The following ZWILCH variants were observed in gnomAD, a reference collection of about 807,000 sequenced individuals.
ZWILCH encodes zwilch kinetochore protein.
A neutral mutation model predicts 79.9 loss-of-function variants in ZWILCH; 74 were observed. That is an observed-to-expected ratio of 0.93 (90% CI 0.77 to 1.12). ZWILCH has a LOEUF of 1.12. ZWILCH is among the 50% of genes most tolerant of loss of function. The pLI is 0.00. For missense variants in ZWILCH, 694 were observed against 687.5 expected, an observed-to-expected ratio of 1.01 and a Z score of -0.11; for synonymous variants, 241 against 228.2, an observed-to-expected ratio of 1.06 and a Z score of -0.51.
chr15:66,509,975 G>A (rs1194390291), intron 2 of ZWILCH, among the ~76,000 whole-genome samples: 7 of 149,262 alleles, frequency 4.7e-5, no homozygotes, highest in Non-Finnish European at 7.4e-5. Context: ...TCAGGAGTTC[G>A]ATACCAGCCT....
chr15:66,514,109 T>C, intron 3 of ZWILCH, 26 bp downstream of exon 3: 1 of 1,532,596 alleles, frequency 6.5e-7, no homozygotes, highest in Non-Finnish European at 8.9e-7. Context: ...ACTTTGTGGT[T>C]GTTTAATTCT....
At chr15:66,509,849 A>AAT (rs1567039407) in intron 2 of ZWILCH, among the ~76,000 whole-genome samples, 1 of 82,242 alleles carries the variant, frequency 1.2e-5, no homozygotes, top group Non-Finnish European at 2.7e-5. Context: ...ATATATATAT[A>AAT]TATATATATA....
At chr15:66,523,558 G>A in intron 7 of ZWILCH, 119 bp from the exon 8 acceptor site, 1 of 639,380 alleles carries the variant, frequency 1.6e-6, no homozygotes, top group Non-Finnish European at 2.7e-6. Flanking sequence ...TCAATTCATT[G>A]GTCCTTTATG....
At chr15:66,533,283 A>G (rs1487550824) in intron 14 of ZWILCH, among the ~76,000 whole-genome samples, 1 of 152,240 alleles carries the variant, frequency 6.6e-6, no homozygotes, top group African/African-American at 2.4e-5. Context: ...TCATCTATCC[A>G]GAATGCTTAG....
At chr15:66,513,391 C>A (rs1894140543) in intron 2 of ZWILCH, among the ~76,000 whole-genome samples, 1 of 151,808 alleles carries the variant, frequency 6.6e-6, no homozygotes, top group Admixed American at 6.6e-5. Context: ...TATAGCGAGA[C>A]CCCATCTGTA....
chr15:66,537,735 ATTATC>A (rs1895060967), intron 16 of ZWILCH, among the ~76,000 whole-genome samples: 1 of 152,110 alleles, frequency 6.6e-6, no homozygotes, highest in Non-Finnish European at 1.5e-5. Context: ...ATTTTAATTT[ATTATC>A]TTAAGTCCAC....
rs368758542 is a variant in ZWILCH, at chr15:66,532,364, T to C, written c.1273T>C (p.Leu425=). Residue 425 remains leucine (L), a synonymous_variant, in exon 13 of 19, where the codon TTG becomes CTG. Coordinates refer to ENST00000307897, the MANE Select transcript of ZWILCH (RefSeq NM_017975.5). ...AGTTCAAATGCTTTTGGAAATTGGT[T>C]TGGACAAACTAAAGAAAGATTATAT... The part of the protein sequence containing the change: ...IPVQMLLEIG[L]DKLKKDYISF... 22 of 1,611,214 alleles carry C rather than the reference T, an allele frequency of 1.4e-5. No individual in the cohort carries two copies. The highest frequency in any genetic ancestry group is 5.0e-5 in the Admixed American group (3 of 59,436).
Position 66,519,069 on chromosome 15 carries a change from A to G in ZWILCH, c.511A>G (p.Ser171Gly), listed in dbSNP as rs1894396639. 6.2e-7 allele frequency: 1 copy of G among 1,614,044 alleles called. No individual in the cohort carries two copies. Among genetic ancestry groups the G allele is most frequent in the African/African-American group, 1.3e-5 (1 of 74,942 alleles). The change falls in exon 5 of 19, where the codon AGT becomes GGT. Residue 171 changes from serine (S) to glycine (G), a missense_variant. Transcript: ENST00000307897. The stretch of plus-strand genomic sequence containing the variant: ...TACAGGAATTGTCTTATATGTGGTC[A>G]GTTGTAAAGGTGAGTGCTCTCTCTA... ...SITGIVLYVVSCKADKNYSVN... is the reference protein window; with the variant it reads ...SITGIVLYVVGCKADKNYSVN...
chr15:66,527,611 T>A (rs1258037916), intron 9 of ZWILCH, among the ~76,000 whole-genome samples: 5 of 152,162 alleles, frequency 3.3e-5, no homozygotes, highest in African/African-American at 1.2e-4. Flanking sequence ...AAGAGATGAA[T>A]CAGTAGCCTT....
chr15:66,513,745 G>T lies in ZWILCH; in HGVS notation c.106-243G>T, dbSNP rs180814045. Reference sequence around the variant, plus strand: ...CGCCACCACGCCTGGCTAATTTTTTGTATTTTTAGTAGAGATGGAGTTTCA... The same window carrying T: ...CGCCACCACGCCTGGCTAATTTTTTTTATTTTTAGTAGAGATGGAGTTTCA... On this transcript the variant is annotated intron_variant, in intron 2 of 18. Coordinates refer to ENST00000307897, the MANE Select transcript of ZWILCH (RefSeq NM_017975.5). Among the ~76,000 whole-genome samples, 2,706 of 152,084 alleles carry T rather than the reference G, an allele frequency of 0.018. 39 individuals are homozygous for T. The highest frequency in any genetic ancestry group is 0.056 in the South Asian group (269 of 4,818).
At chr15:66,522,471 G>C (rs2140769745) in intron 7 of ZWILCH, among the ~76,000 whole-genome samples, 1 of 151,688 alleles carries the variant, frequency 6.6e-6, no homozygotes, top group East Asian at 2.0e-4. Context: ...CCAAGTAGCT[G>C]GGACTACAGG....
At chr15:66,522,163 G>A (rs1026074204) in intron 7 of ZWILCH, among the ~76,000 whole-genome samples, 9 of 151,558 alleles carry the variant, frequency 5.9e-5, no homozygotes, top group Non-Finnish European at 7.4e-5. Context: ...GTGCCACTGC[G>A]CTCCAGCCTG....
intron 14 of ZWILCH, 109 bp from the exon 15 acceptor site, chr15:66,535,824 T>G: frequency 1.2e-6 from 1 of 853,846 alleles, no homozygotes; most frequent in South Asian, 2.3e-5. Context: ...TTTTTTTTAA[T>G]GCCTGTTATC....
chr15:66,542,814 G>T (rs756208615), intron 17 of ZWILCH, among the ~76,000 whole-genome samples: 1 of 152,096 alleles, frequency 6.6e-6, no homozygotes, highest in East Asian at 1.9e-4. Flanking sequence ...GCAACATAGC[G>T]AGATTCCATC....
chr15:66,522,693 T>C (rs1894539954), intron 7 of ZWILCH, among the ~76,000 whole-genome samples: 1 of 152,182 alleles, frequency 6.6e-6, no homozygotes, highest in Non-Finnish European at 1.5e-5. Context: ...GATGTGCTTA[T>C]TAAGCAAAAA....
In ZWILCH at chr15:66,540,229, C is replaced by T. The variant is rs1012977285; in HGVS notation, c.1687+19C>T. On this transcript the variant is annotated intron_variant, in intron 17 of 18. Transcript: ENST00000307897. Reference sequence around the variant, plus strand: ...AAACCTGGTAAAGATGGTTTATAATCTGTTCAGATAAATAATTCCAACAGA... The same window carrying T: ...AAACCTGGTAAAGATGGTTTATAATTTGTTCAGATAAATAATTCCAACAGA... 1.9e-6 allele frequency: 3 copies of T among 1,561,778 alleles called. No homozygotes were observed. Among genetic ancestry groups the T allele is most frequent in the Admixed American group, 3.4e-5 (2 of 58,674 alleles).
chr15:66,546,119 T>C (rs1156552287), intron 17 of ZWILCH, among the ~76,000 whole-genome samples: 1 of 152,200 alleles, frequency 6.6e-6, no homozygotes, highest in African/African-American at 2.4e-5. Flanking sequence ...AACCAAAATG[T>C]TGACCCACAA....
chr15:66,513,788 G>A (rs1309746401), intron 2 of ZWILCH, 200 bp from the exon 3 acceptor site: 3 of 304,788 alleles, frequency 9.8e-6, no homozygotes, highest in South Asian at 4.0e-5. Context: ...AGCCAGGATG[G>A]TCTCAATCTC....
At position 66,536,008 on chromosome 15, in the gene ZWILCH, A is replaced by T; in HGVS notation, c.1417A>T (p.Ile473Leu). ...CCAAAAACTCCACCATATTCTAGAA[A>T]TATTAGTCAGTTGCATGCCTTTCAT... ...RVQKLHHILE[I>L]LVSCMPFIKS... Residue 473 changes from isoleucine (I) to leucine (L), a missense_variant, in exon 15 of 19, where the codon ATA becomes TTA. Physicochemically the swap from Ile to Leu is conservative, Grantham distance 5. Transcript: ENST00000307897. 6.2e-7 allele frequency: 1 copy of T among 1,613,082 alleles called. No individual in the cohort carries two copies. The highest frequency in any genetic ancestry group is 2.2e-5 in the East Asian group (1 of 44,810).
Sources: allele counts gnomAD v4.1 joint callset (sites outside exome capture counted in the v4.1 genomes callset), GRCh38; gene constraint gnomAD v4.1.1; transcripts MANE v1.5; gene names NCBI Gene and HGNC (gene_info 2026-07-23, HGNC 2026-07-21).